The following AFF3 variants were observed in gnomAD, a reference collection of about 807,000 sequenced individuals.
The protein encoded by AFF3 is ALF transcription elongation factor 3.
In AFF3, 32 loss-of-function variants were observed where a neutral mutation model predicts 129.7. That is an observed-to-expected ratio of 0.25 (90% CI 0.19 to 0.33). The LOEUF is 0.33. Among genes scored for constraint, AFF3 ranks in the 10% least tolerant of loss-of-function variants. The pLI is 1.00. For missense variants in AFF3, 1,373 were observed against 1,592.0 expected (o/e 0.86, Z 2.34); for synonymous variants, 644 against 635.4 (o/e 1.01, Z -0.20).
In AFF3 at chr2:99,929,282, G is replaced by A. The variant is rs535051365; in HGVS notation, c.873+77350C>T. Among the ~76,000 whole-genome samples the A allele has an allele frequency of 9.8e-4, 149 of 152,126 alleles. 3 individuals are homozygous for A. Among genetic ancestry groups the A allele is most frequent in the African/African-American group, 3.5e-3 (144 of 41,500 alleles). ...GCAGAGGTTGTGGTGTGCCAAGACT[G>A]CACCATTGCACTCCAGCCTGGGCAA... On this transcript the variant is annotated intron_variant, in intron 7 of 24. Coordinates refer to ENST00000672756, the MANE Select transcript of AFF3 (RefSeq NM_001386135.1).
At chr2:99,969,999 C>T (rs754656862) in intron 7 of AFF3, among the ~76,000 whole-genome samples, 1 of 152,194 alleles carries the variant, frequency 6.6e-6, no homozygotes, top group Admixed American at 6.5e-5. Context: ...TAGCAGTTCT[C>T]TGTGCTGCTC....
At chr2:99,691,704 T>G (rs1028989939) in intron 11 of AFF3, among the ~76,000 whole-genome samples, 2 of 152,154 alleles carry the variant, frequency 1.3e-5, no homozygotes, top group Admixed American at 1.3e-4. Context: ...GGGATAGAGT[T>G]GCAAAAATGC....
intron 7 of AFF3, among the ~76,000 whole-genome samples, chr2:99,896,421 A>G (rs1693948485): frequency 6.6e-6 from 1 of 151,918 alleles, no homozygotes; most frequent in Non-Finnish European, 1.5e-5. Context: ...ACCTGTCCAT[A>G]AGCCCACTCC....
Position 99,937,176 on chromosome 2 carries a change from C to T in AFF3, c.873+69456G>A, listed in dbSNP as rs546890902. ...CCATAAATTTGAAGTCCAAAATGTT[C>T]CAATGAGAAGTTCCTTTGAGCGCCA... On this transcript the variant is annotated intron_variant, in intron 7 of 24. Coordinates refer to ENST00000672756, the MANE Select transcript of AFF3 (RefSeq NM_001386135.1). 1.9e-3 allele frequency among the ~76,000 whole-genome samples: 287 copies of T among 152,092 alleles called. 1 individual carries two copies. The highest frequency in any genetic ancestry group is 3.3e-3 in the South Asian group (16 of 4,816).
intron 11 of AFF3, among the ~76,000 whole-genome samples, chr2:99,686,970 G>C (rs1184557719): frequency 6.6e-6 from 1 of 152,220 alleles, no homozygotes; most frequent in Admixed American, 6.5e-5. Flanking sequence ...TATGTGCCAG[G>C]CATGTTGCCA....
intron 4 of AFF3, among the ~76,000 whole-genome samples, chr2:100,016,057 A>T (rs1298618085): frequency 2.8e-5 from 4 of 142,714 alleles, no homozygotes; most frequent in Admixed American, 2.8e-4. Flanking sequence ...GATTGTGATA[A>T]TGGTGGTGAT....
intron 7 of AFF3, among the ~76,000 whole-genome samples, chr2:99,952,126 G>A (rs1676228206): frequency 6.6e-6 from 1 of 152,194 alleles, no homozygotes; most frequent in Non-Finnish European, 1.5e-5. Context: ...AATTCCCAAT[G>A]TTGGAGGTGG....
At chr2:99,709,852 C>T (rs1677739964) in intron 11 of AFF3, among the ~76,000 whole-genome samples, 1 of 152,226 alleles carries the variant, frequency 6.6e-6, no homozygotes, top group Admixed American at 6.5e-5. Context: ...TACTGTTAAG[C>T]AGATTTTCAA....
chr2:100,128,391 C>G (rs1692289104), intron 2 of AFF3, among the ~76,000 whole-genome samples: 1 of 152,142 alleles, frequency 6.6e-6, no homozygotes, highest in Non-Finnish European at 1.5e-5. Flanking sequence ...ACCCCTAGTT[C>G]TCTCTCTTTC....
At chr2:99,873,029 T>C (rs144457881) in intron 7 of AFF3, among the ~76,000 whole-genome samples, 4 of 152,376 alleles carry the variant, frequency 2.6e-5, no homozygotes, top group Middle Eastern at 3.4e-3. Context: ...TTGAAAATCA[T>C]AGTCTGTCTC....
chr2:99,554,541 G>A lies in AFF3; in HGVS notation c.3336-7C>T, dbSNP rs1209114146. On this transcript the variant is annotated splice_polypyrimidine_tract_variant and splice_region_variant and intron_variant, in intron 23 of 24. Transcript: ENST00000672756. ...GGATGGGGTTCCAGTGCTCCTGGAA[G>A]GGGAGAGGTAGAAAAACCAGAGTGG... is the stretch of plus-strand genomic sequence containing the variant. The A allele has an allele frequency of 1.9e-6, 3 of 1,611,050 alleles. No homozygotes were observed. The highest frequency in any genetic ancestry group is 2.5e-6 in the Non-Finnish European group (3 of 1,178,448).
At chr2:99,560,279 G>T in intron 21 of AFF3, 86 bp downstream of exon 21, 1 of 1,421,050 alleles carries the variant, frequency 7.0e-7, no homozygotes, top group Non-Finnish European at 9.9e-7. Flanking sequence ...AAGACATTGG[G>T]CAAACACTAT....
At chr2:99,863,219 G>A (rs1691131683) in intron 7 of AFF3, among the ~76,000 whole-genome samples, 1 of 152,174 alleles carries the variant, frequency 6.6e-6, no homozygotes, top group Non-Finnish European at 1.5e-5. Flanking sequence ...AACAGCTTCT[G>A]CATTGTCTAT....
intron 7 of AFF3, among the ~76,000 whole-genome samples, chr2:99,935,927 A>T (rs140331343): frequency 8.5e-5 from 13 of 152,326 alleles, no homozygotes; most frequent in African/African-American, 2.6e-4. Context: ...ACAACTTCAA[A>T]TAAAAGGTCT....
intron 4 of AFF3, among the ~76,000 whole-genome samples, chr2:100,054,196 C>A (rs554877582): frequency 2.0e-5 from 3 of 152,230 alleles, no homozygotes; most frequent in African/African-American, 7.2e-5. Flanking sequence ...AGTGGGGGCA[C>A]CTTGGGAAAG....
chr2:100,041,931 T>TA (rs2105059230), intron 4 of AFF3, among the ~76,000 whole-genome samples: 1 of 152,326 alleles, frequency 6.6e-6, no homozygotes, highest in African/African-American at 2.4e-5. Flanking sequence ...GCAGCATTAA[T>TA]AAAATCATAT....
At chr2:100,072,552 C>T (rs774439886) in intron 4 of AFF3, among the ~76,000 whole-genome samples, 9 of 152,150 alleles carry the variant, frequency 5.9e-5, no homozygotes, top group South Asian at 2.1e-4. Flanking sequence ...GCTTGCTGGC[C>T]GGGCTATACC....
At chr2:99,594,419 A>C in intron 14 of AFF3, 130 bp from the exon 15 acceptor site, 1 of 1,354,000 alleles carries the variant, frequency 7.4e-7, no homozygotes. Context: ...TGGAAGCAAA[A>C]GGAAAATGGA....
rs573796401 is a variant in AFF3, at chr2:99,963,865, GCTGT to G, written c.873+42763_873+42766del. ...ATAAAATAACATGATCCAATAATATGCTGTCTATTAGAAACTGATTTCACATACA... is the reference window on the plus strand; with the variant it reads ...ATAAAATAACATGATCCAATAATATGCTATTAGAAACTGATTTCACATACA... On this transcript the variant is annotated intron_variant, in intron 7 of 24. Transcript: ENST00000672756. Among the ~76,000 whole-genome samples, 861 of 152,132 alleles carry G rather than the reference GCTGT, an allele frequency of 5.7e-3. 8 individuals carry two copies. The highest frequency in any genetic ancestry group is 0.02 in the African/African-American group (832 of 41,536).
Sources: gnomAD v4.1 joint callset for allele counts (sites outside exome capture counted in the v4.1 genomes callset) on GRCh38, gnomAD v4.1.1 for gene constraint, MANE v1.5 for transcripts, NCBI Gene and HGNC (gene_info 2026-07-23, HGNC 2026-07-21) for gene names.